DZIP1L: variants seen among roughly 807,000 people sequenced by gnomAD.
DZIP1L encodes the protein cilium assembly protein DZIP1L.
DZIP1L carries 90 observed loss-of-function variants against 88.7 expected under a neutral mutation model. The ratio of observed to expected loss-of-function variants is 1.02; its 90% CI spans 0.86 to 1.21. The LOEUF (loss-of-function observed/expected upper bound fraction) is 1.21, where lower values mean the gene tolerates loss of function less well. DZIP1L is among the 50% of genes most tolerant of loss of function. The pLI, the probability that DZIP1L is intolerant of heterozygous loss-of-function variation, is 0.00. For synonymous variants in DZIP1L, 363 were observed against 372.1 expected, an observed-to-expected ratio of 0.98 and a Z score of 0.28; for missense variants, 932 against 955.8, an observed-to-expected ratio of 0.98 and a Z score of 0.33.
At chr3:138,107,686 C>A (rs1211259994) in intron 1 of DZIP1L, among the ~76,000 whole-genome samples, 1 of 152,114 alleles carries the variant, frequency 6.6e-6, no homozygotes, top group Non-Finnish European at 1.5e-5. Flanking sequence ...ATCCTTTATC[C>A]CTTAAACCTC....
chr3:138,102,991 G>C (rs2042366258), intron 2 of DZIP1L: 2 of 474,852 alleles, frequency 4.2e-6, no homozygotes, highest in Non-Finnish European at 7.7e-6. Flanking sequence ...GCTGCTTCTT[G>C]GTCACTAACA....
chr3:138,077,427 T>C, intron 11 of DZIP1L, 72 bp downstream of exon 11: 1 of 1,582,098 alleles, frequency 6.3e-7, no homozygotes, highest in Non-Finnish European at 8.6e-7. Flanking sequence ...CAATCGATCA[T>C]TTGTCTGTCT....
chr3:138,073,525 C>T (rs1943270766), intron 11 of DZIP1L, among the ~76,000 whole-genome samples: 1 of 152,200 alleles, frequency 6.6e-6, no homozygotes, highest in South Asian at 2.1e-4. Flanking sequence ...GAGAGCACTA[C>T]ATCAAGGGAG....
chr3:138,102,067 T>A, intron 2 of DZIP1L: 1 of 1,481,548 alleles, frequency 6.7e-7, no homozygotes, highest in Non-Finnish European at 9.4e-7. Context: ...TCATACTTGA[T>A]CTGGTACATG....
At chr3:138,075,023 A>G (rs1943340366) in intron 11 of DZIP1L, among the ~76,000 whole-genome samples, 1 of 152,254 alleles carries the variant, frequency 6.6e-6, no homozygotes. Flanking sequence ...CAGACAAAAC[A>G]AACTTTAAAG....
In DZIP1L at chr3:138,103,264, C is replaced by T. The variant is rs1003877415; in HGVS notation, c.501+207G>A. On this transcript the variant is annotated intron_variant, in intron 2 of 15. Coordinates refer to ENST00000327532, the MANE Select transcript of DZIP1L (RefSeq NM_173543.3). ...CCCACACATGTACAATCTACACACACATACACACACACACACACTGTAGAA... is the reference window on the plus strand; with the variant it reads ...CCCACACATGTACAATCTACACACATATACACACACACACACACTGTAGAA... Among the ~76,000 whole-genome samples the T allele has an allele frequency of 2.0e-5, 3 of 152,050 alleles. No individual in the cohort carries two copies. In the East Asian group the frequency reaches 5.8e-4, roughly 29 times the overall value.
At chr3:138,112,600 A>ATGCTT (rs2042636330) in intron 1 of DZIP1L, 1 of 152,214 alleles carries the variant, frequency 6.6e-6, no homozygotes, top group Admixed American at 6.5e-5. Flanking sequence ...TTTCAGACGA[A>ATGCTT]TTGTGAGCAG....
At chr3:138,107,034 T>A (rs920619608) in intron 1 of DZIP1L, among the ~76,000 whole-genome samples, 1 of 152,176 alleles carries the variant, frequency 6.6e-6, no homozygotes, top group African/African-American at 2.4e-5. Flanking sequence ...TGCTCAGTGA[T>A]AACAATGGCA....
intron 1 of DZIP1L, among the ~76,000 whole-genome samples, chr3:138,112,726 C>A (rs192224129): frequency 6.6e-6 from 1 of 152,292 alleles, no homozygotes; most frequent in African/African-American, 2.4e-5. Context: ...GAGGGCAGAT[C>A]GCCTGAGGTC....
Position 138,062,723 on chromosome 3 carries a change from G to T in DZIP1L, c.*93C>A. 1 of 1,406,472 alleles carries T rather than the reference G, an allele frequency of 7.1e-7. No individual in the cohort carries two copies. Among genetic ancestry groups the T allele is most frequent in the Non-Finnish European group, 9.9e-7 (1 of 1,011,568 alleles). The allele number at this position is 1,406,472 out of a possible 1,614,324, so 87.1% of individuals were successfully genotyped here. A position where few individuals can be genotyped will look rare whatever the true frequency, so the allele number is the denominator to read the frequency against. On this transcript the variant is annotated 3_prime_UTR_variant, in exon 16 of 16. Transcript: ENST00000327532. Reference sequence around the variant, plus strand: ...AGAGGATGATCTCTTGGTTGTTTGTGAAGACAAGAGGCCCAGCAGCCTCTT... The same window carrying T: ...AGAGGATGATCTCTTGGTTGTTTGTTAAGACAAGAGGCCCAGCAGCCTCTT...
chr3:138,077,677 T>A (rs762243564), intron 10 of DZIP1L, 45 bp from the exon 11 acceptor site: 2 of 1,608,280 alleles, frequency 1.2e-6, no homozygotes, highest in Non-Finnish European at 1.7e-6. Flanking sequence ...GCACCTGAGT[T>A]CTCCATTCCC....
At chr3:138,108,273 G>C in intron 1 of DZIP1L, 1 of 983,224 alleles carries the variant, frequency 1.0e-6, no homozygotes, top group Non-Finnish European at 1.2e-6. Context: ...CGGAGCAACA[G>C]CAGGTTACCA....
intron 2 of DZIP1L, chr3:138,101,551 G>A: frequency 2.5e-6 from 2 of 795,436 alleles, no homozygotes; most frequent in Admixed American, 3.4e-5. Context: ...CACAACCACA[G>A]TGGCCCTGGT....
chr3:138,071,396 C>T (rs966851256), intron 12 of DZIP1L, among the ~76,000 whole-genome samples: 3 of 152,212 alleles, frequency 2.0e-5, no homozygotes, highest in African/African-American at 7.2e-5. Flanking sequence ...CAACAGGCTC[C>T]AGCTCCGGCT....
chr3:138,090,244 T>A (rs950304641), intron 5 of DZIP1L, among the ~76,000 whole-genome samples: 2 of 152,150 alleles, frequency 1.3e-5, no homozygotes, highest in Non-Finnish European at 2.9e-5. Flanking sequence ...ATATCATGGA[T>A]GGTAAGGATT....
chr3:138,075,906 C>A (rs924414459), intron 11 of DZIP1L, among the ~76,000 whole-genome samples: 4 of 152,060 alleles, frequency 2.6e-5, no homozygotes, highest in Admixed American at 6.5e-5. Flanking sequence ...TTGCAGTGAG[C>A]CGAGATCGCA....
intron 2 of DZIP1L, chr3:138,101,572 C>T (rs1014587812): frequency 4.7e-5 from 38 of 809,720 alleles, no homozygotes; most frequent in Non-Finnish European, 7.8e-5. Flanking sequence ...GGAGCTGGTG[C>T]GGCTGAAGGA....
chr3:138,068,479 C>T (rs1357976396), intron 12 of DZIP1L, 112 bp from the exon 13 acceptor site: 21 of 768,132 alleles, frequency 2.7e-5, no homozygotes, highest in Non-Finnish European at 3.7e-5. Flanking sequence ...ACTCCCTCTC[C>T]GTGCTGTAAT....
intron 12 of DZIP1L, 107 bp downstream of exon 12, chr3:138,071,536 C>A (rs1315442558): frequency 2.3e-6 from 3 of 1,282,770 alleles, no homozygotes; most frequent in East Asian, 2.5e-5. Context: ...CAGAGAAGTG[C>A]CCCTAATGGG....
Sources: gnomAD v4.1 joint callset for allele counts (sites outside exome capture counted in the v4.1 genomes callset) on GRCh38, gnomAD v4.1.1 for gene constraint, MANE v1.5 for transcripts, NCBI Gene and HGNC (gene_info 2026-07-23, HGNC 2026-07-21) for gene names.